Variants in GRB2 observed in about 807,000 individuals in gnomAD.
GRB2 encodes the protein growth factor receptor bound protein 2, also known as growth factor receptor-bound protein 2.
A neutral mutation model predicts 27.4 loss-of-function variants in GRB2; 2 were observed. That is an observed-to-expected ratio of 0.07 (90% CI 0.03 to 0.23). The LOEUF (loss-of-function observed/expected upper bound fraction) is 0.23, where lower values mean the gene tolerates loss of function less well. Ranked by LOEUF, GRB2 falls within the 10% of genes least tolerant of loss-of-function variation. The pLI is 1.00. For synonymous variants in GRB2, 94 were observed against 99.6 expected (o/e 0.94, Z 0.33); for missense variants, 102 against 282.4 (o/e 0.36, Z 4.58).
chr17:75,390,800 G>A (rs772825086), intron 2 of GRB2, among the ~76,000 whole-genome samples: 1 of 152,056 alleles, frequency 6.6e-6, no homozygotes, highest in East Asian at 1.9e-4. Context: ...AGAGGATGAA[G>A]GCTAAGTGCC....
intron 3 of GRB2, among the ~76,000 whole-genome samples, chr17:75,330,700 C>CA (rs2078534529): frequency 6.9e-6 from 1 of 144,590 alleles, no homozygotes; most frequent in Non-Finnish European, 1.5e-5. Context: ...CAACAACAAA[C>CA]AAAAAACAAA....
chr17:75,388,710 G>C (rs564461998), intron 2 of GRB2, among the ~76,000 whole-genome samples: 69 of 151,962 alleles, frequency 4.5e-4, no homozygotes, highest in African/African-American at 1.6e-3. Context: ...TGAGCAGGTG[G>C]GGCCTTCAGG....
At chr17:75,393,390 A>T in intron 2 of GRB2, 161 bp downstream of exon 2, 1 of 659,074 alleles carries the variant, frequency 1.5e-6, no homozygotes, top group Non-Finnish European at 2.7e-6. Flanking sequence ...AGTCATATTT[A>T]ATATTCTACT....
intron 2 of GRB2, among the ~76,000 whole-genome samples, chr17:75,349,958 G>A (rs1461130333): frequency 6.6e-6 from 1 of 151,628 alleles, no homozygotes; most frequent in Non-Finnish European, 1.5e-5. Flanking sequence ...TTTATGAAAA[G>A]TAATTCGACT....
chr17:75,373,943 G>A (rs1478300993), intron 2 of GRB2, among the ~76,000 whole-genome samples: 7 of 150,498 alleles, frequency 4.7e-5, no homozygotes, highest in African/African-American at 1.2e-4. Context: ...ACAGGCGCCC[G>A]CCACCATGCC....
At chr17:75,338,735 G>A in intron 2 of GRB2, 1 of 519,102 alleles carries the variant, frequency 1.9e-6, no homozygotes, top group Non-Finnish European at 3.5e-6. Flanking sequence ...GCCCAAATCA[G>A]GAAGAAATTT....
At chr17:75,389,475 G>A (rs1038092309) in intron 2 of GRB2, among the ~76,000 whole-genome samples, 1 of 152,184 alleles carries the variant, frequency 6.6e-6, no homozygotes, top group Non-Finnish European at 1.5e-5. Flanking sequence ...TGATAGTTGT[G>A]TGATCTTGGA....
At chr17:75,350,978 C>T (rs1011800063) in intron 2 of GRB2, among the ~76,000 whole-genome samples, 2 of 152,068 alleles carry the variant, frequency 1.3e-5, no homozygotes, top group African/African-American at 4.8e-5. Flanking sequence ...GAGAACTGAG[C>T]CCGACTGTGC....
intron 2 of GRB2, among the ~76,000 whole-genome samples, chr17:75,341,161 G>C (rs1205086562): frequency 6.6e-6 from 1 of 152,194 alleles, no homozygotes; most frequent in African/African-American, 2.4e-5. Context: ...GCTGGGCGCA[G>C]TGCCTCACGC....
chr17:75,363,459 A>G (rs1279154823), intron 2 of GRB2, among the ~76,000 whole-genome samples: 2 of 152,184 alleles, frequency 1.3e-5, no homozygotes, highest in Non-Finnish European at 1.5e-5. Flanking sequence ...TTATTTCAGG[A>G]AACCAAAAGT....
intron 2 of GRB2, among the ~76,000 whole-genome samples, chr17:75,344,796 C>T (rs2078643979): frequency 6.6e-6 from 1 of 152,104 alleles, no homozygotes; most frequent in Non-Finnish European, 1.5e-5. Flanking sequence ...TGAAATCCTA[C>T]ACTCCTCTCT....
chr17:75,362,072 G>A (rs1388167199), intron 2 of GRB2, among the ~76,000 whole-genome samples: 1 of 151,938 alleles, frequency 6.6e-6, no homozygotes, highest in Non-Finnish European at 1.5e-5. Flanking sequence ...GTACCCACTG[G>A]CATTCCTGAA....
chr17:75,364,316 G>C (rs745761968), intron 2 of GRB2, among the ~76,000 whole-genome samples: 1 of 152,142 alleles, frequency 6.6e-6, no homozygotes, highest in African/African-American at 2.4e-5. Context: ...TGAGAAATGA[G>C]TTAGTCTCTC....
At chr17:75,354,969 G>A (rs955878537) in intron 2 of GRB2, among the ~76,000 whole-genome samples, 14 of 152,210 alleles carry the variant, frequency 9.2e-5, no homozygotes, top group African/African-American at 3.1e-4. Flanking sequence ...CAACATGCCT[G>A]GCTAATTTTT....
intron 2 of GRB2, among the ~76,000 whole-genome samples, chr17:75,385,029 CAAAAAAAAAAAAA>C (rs58860615): frequency 1.3e-4 from 7 of 55,324 alleles, no homozygotes; most frequent in South Asian, 6.3e-4. Flanking sequence ...CTGGCTCTAC[CAAAAAAAAAAAAA>C]AAAAAAAAAA....
intron 1 of GRB2, among the ~76,000 whole-genome samples, chr17:75,400,803 G>A (rs2079058513): frequency 6.6e-6 from 1 of 152,088 alleles, no homozygotes; most frequent in African/African-American, 2.4e-5. Flanking sequence ...TACTGTGCCT[G>A]ACCAATACAT....
intron 2 of GRB2, chr17:75,387,451 TA>T (rs61300061): frequency 0.66 from 90,028 of 137,438 alleles, 33,258 homozygotes; most frequent in East Asian, 0.9. Flanking sequence ...GACTCTGTCT[TA>T]AAAAAAAAAA....
At chr17:75,388,454 C>A (rs1279910167) in intron 2 of GRB2, among the ~76,000 whole-genome samples, 1 of 151,708 alleles carries the variant, frequency 6.6e-6, no homozygotes, top group Non-Finnish European at 1.5e-5. Context: ...GTTTAGTCAA[C>A]AAGATTGATA....
chr17:75,367,599 A>T (rs2078828133), intron 2 of GRB2, among the ~76,000 whole-genome samples: 1 of 152,198 alleles, frequency 6.6e-6, no homozygotes, highest in Admixed American at 6.5e-5. Flanking sequence ...TAAAGAAGTT[A>T]CCTTGTGAGA....
Sources: allele counts gnomAD v4.1 joint callset (sites outside exome capture counted in the v4.1 genomes callset), GRCh38; gene constraint gnomAD v4.1.1; transcripts MANE v1.5; gene names NCBI Gene and HGNC (gene_info 2026-07-23, HGNC 2026-07-21).